Variants in BCL11B observed in about 807,000 individuals in gnomAD.
The protein encoded by BCL11B is B-cell lymphoma/leukemia 11B.
A neutral mutation model predicts 49.9 loss-of-function variants in BCL11B; 8 were observed. That is an observed-to-expected ratio of 0.16 (90% confidence interval 0.09 to 0.29). The LOEUF (loss-of-function observed/expected upper bound fraction) is 0.29, where lower values mean the gene tolerates loss of function less well. Ranked by LOEUF, BCL11B falls within the 10% of genes least tolerant of loss-of-function variation. The pLI is 1.00. For missense variants in BCL11B, 1,006 were observed against 1,351.0 expected (o/e 0.74, Z 4.00); for synonymous variants, 739 against 637.4 (o/e 1.16, Z -2.40).
At chr14:99,234,305 A>C (rs1190694735) in intron 2 of BCL11B, among the ~76,000 whole-genome samples, 1 of 152,188 alleles carries the variant, frequency 6.6e-6, no homozygotes, top group African/African-American at 2.4e-5. Context: ...TCAATTGTAC[A>C]TCATGTGACT....
rs1419380126 is a variant in BCL11B, at chr14:99,176,080, G to A, written c.756C>T (p.Pro252=). The change falls in exon 4 of 4, where the codon CCC becomes CCT. Residue 252 remains proline, a synonymous_variant. Coordinates refer to ENST00000357195, the MANE Select transcript of BCL11B (RefSeq NM_138576.4). ...NTHGFRIYLE[P]GPASSSLTPR... The stretch of plus-strand genomic sequence containing the variant: ...GCGTGAGCGAGCTGCTGGCCGGCCC[G>A]GGCTCCAGGTAGATGCGGAAGCCGT... 18 of 1,607,088 alleles carry A rather than the reference G, an allele frequency of 1.1e-5. No homozygotes were observed. Among genetic ancestry groups the A allele is most frequent in the Non-Finnish European group, 1.4e-5 (17 of 1,176,722 alleles).
intron 2 of BCL11B, among the ~76,000 whole-genome samples, chr14:99,253,236 C>G (rs559497240): frequency 3.9e-5 from 6 of 152,204 alleles, no homozygotes; most frequent in Non-Finnish European, 5.9e-5. Flanking sequence ...AACCCCCCGC[C>G]GGCTCCTCAG....
At chr14:99,180,099 C>A (rs1391485080) in intron 3 of BCL11B, among the ~76,000 whole-genome samples, 1 of 152,150 alleles carries the variant, frequency 6.6e-6, no homozygotes, top group Non-Finnish European at 1.5e-5. Context: ...CTGGCTGTCA[C>A]CCCCCTCCAG....
At chr14:99,198,995 C>T (rs1887262932) in intron 3 of BCL11B, among the ~76,000 whole-genome samples, 1 of 152,108 alleles carries the variant, frequency 6.6e-6, no homozygotes, top group African/African-American at 2.4e-5. Flanking sequence ...GCGAGGGACG[C>T]TTTGCGCGGG....
At chr14:99,226,005 C>T (rs923436410) in intron 3 of BCL11B, among the ~76,000 whole-genome samples, 1 of 152,216 alleles carries the variant, frequency 6.6e-6, no homozygotes, top group Non-Finnish European at 1.5e-5. Flanking sequence ...TGGACAGCCT[C>T]TGCAGCAGCG....
Position 99,248,995 on chromosome 14 carries a change from C to A in BCL11B, c.427+8476G>T, listed in dbSNP as rs547780103. Among the ~76,000 whole-genome samples, 20 of 152,304 alleles carry A rather than the reference C, an allele frequency of 1.3e-4. No homozygotes were observed. Among genetic ancestry groups the A allele is most frequent in the African/African-American group, 4.3e-4 (18 of 41,558 alleles). ...TCAACAGGGCCACTTGCCTGTAACT[C>A]ATGACGAGGTGGGGGCCAGCTCCTC... On this transcript the variant is annotated intron_variant, in intron 2 of 3. Coordinates refer to ENST00000357195, the MANE Select transcript of BCL11B (RefSeq NM_138576.4). The surrounding 1 kb of genome is among the most constrained non-coding windows in gnomAD (Gnocchi z 4.7).
chr14:99,220,609 C>G (rs1449307697), intron 3 of BCL11B, among the ~76,000 whole-genome samples: 1 of 152,108 alleles, frequency 6.6e-6, no homozygotes, highest in Non-Finnish European at 1.5e-5. Context: ...TTTAATGGTG[C>G]CAGAGCTCTG....
chr14:99,175,617 G>C lies in BCL11B; in HGVS notation c.1219C>G (p.Pro407Ala), dbSNP rs866872956. ...CCAGGGGGCATGGGCGGCAGCGGCG[G>C]CGTGCTCAGGAACGGGGACTTGGGG... ...PSPKSPFLSTPPLPPMPPGGT... is the reference protein window; with the variant it reads ...PSPKSPFLSTAPLPPMPPGGT... The change falls in exon 4 of 4, where the codon CCG becomes GCG. Residue 407 changes from proline (P) to alanine (A), a missense_variant. Physicochemically the swap from Pro to Ala is conservative, Grantham distance 27. Around this residue, in one of 6 missense-constraint regions of BCL11B, gnomAD observed 97 missense variants for 81.5 expected, o/e 1.19. Coordinates refer to ENST00000357195, the MANE Select transcript of BCL11B (RefSeq NM_138576.4). The C allele has an allele frequency of 1.9e-6, 3 of 1,562,776 alleles. No individual in the cohort carries two copies. The highest frequency in any genetic ancestry group is 1.2e-5 in the South Asian group (1 of 85,568).
intron 2 of BCL11B, among the ~76,000 whole-genome samples, chr14:99,251,727 G>A (rs1889012523): frequency 6.6e-6 from 1 of 152,190 alleles, no homozygotes; most frequent in African/African-American, 2.4e-5. Flanking sequence ...GGGGGTCTGA[G>A]GACTTCTGGC....
chr14:99,237,075 T>G (rs1249720439), intron 2 of BCL11B, among the ~76,000 whole-genome samples: 3 of 139,694 alleles, frequency 2.1e-5, no homozygotes, highest in Non-Finnish European at 3.1e-5. Context: ...CTGTGGGGGG[T>G]GTAGAGGGGG....
chr14:99,271,341 T>A lies in BCL11B; in HGVS notation c.-123A>T. On this transcript the variant is annotated 5_prime_UTR_variant, in exon 1 of 4. Coordinates refer to ENST00000357195, the MANE Select transcript of BCL11B (RefSeq NM_138576.4). ...CCGCCGCCGCCGCCGCCGCCGCACC[T>A]CCTCCTCTGCCCGGGTTGGTGTTTT... is the stretch of plus-strand genomic sequence containing the variant. 7.1e-6 allele frequency: 3 copies of A among 422,002 alleles called. No individual in the cohort carries two copies. The highest frequency in any genetic ancestry group is 1.1e-5 in the Non-Finnish European group (3 of 267,728). 26.1% of individuals were successfully genotyped at this position (422,002 alleles called of 1,614,324 possible). A position where few individuals can be genotyped will look rare whatever the true frequency, so the allele number is the denominator to read the frequency against.
intron 2 of BCL11B, among the ~76,000 whole-genome samples, chr14:99,254,931 A>G (rs1438240080): frequency 6.6e-6 from 1 of 152,240 alleles, no homozygotes; most frequent in Admixed American, 6.5e-5. Context: ...GTTAATCTAC[A>G]CAGAGAAATA....
intron 3 of BCL11B, among the ~76,000 whole-genome samples, chr14:99,220,489 A>G (rs142904582): frequency 1.1e-3 from 168 of 152,330 alleles, no homozygotes; most frequent in African/African-American, 3.9e-3. Flanking sequence ...CTAGGTACAA[A>G]AGGACAAGCA....
At chr14:99,208,197 G>C (rs1298144784) in intron 3 of BCL11B, among the ~76,000 whole-genome samples, 1 of 152,140 alleles carries the variant, frequency 6.6e-6, no homozygotes, top group Admixed American at 6.5e-5. Flanking sequence ...AGAGGCGAAG[G>C]ATCCTGTCCC....
rs372624036 is a variant in BCL11B at position 99,205,637 on chromosome 14, G to GC, written c.640+25707dup. On this transcript the variant is annotated intron_variant, in intron 3 of 3. Coordinates refer to ENST00000357195, the MANE Select transcript of BCL11B (RefSeq NM_138576.4). This position sits in a 1 kb window ranked among gnomAD's most constrained non-coding sequence, Gnocchi z 5.0. ...ATTTGACAGGACATTTGAAGCATCC[G>GC]CCCCCCTACCCCCCAGCTTTGTGGA... Among the ~76,000 whole-genome samples the GC allele has an allele frequency of 2.0e-5, 3 of 152,022 alleles. No individual in the cohort carries two copies. The highest frequency in any genetic ancestry group is 6.6e-5 in the Admixed American group (1 of 15,264).
intron 3 of BCL11B, among the ~76,000 whole-genome samples, chr14:99,222,878 C>G (rs1888052787): frequency 6.6e-6 from 1 of 151,694 alleles, no homozygotes; most frequent in Non-Finnish European, 1.5e-5. Flanking sequence ...TCCTTCCTTT[C>G]TTTCCTTTCT....
At chr14:99,263,825 C>G (rs926894857) in intron 1 of BCL11B, among the ~76,000 whole-genome samples, 4 of 152,262 alleles carry the variant, frequency 2.6e-5, no homozygotes, top group Admixed American at 2.0e-4. Context: ...GAGCCTGGGT[C>G]TCCCCAGCAC....
intron 3 of BCL11B, among the ~76,000 whole-genome samples, chr14:99,197,158 G>A (rs1315025983): frequency 6.6e-6 from 1 of 152,192 alleles, no homozygotes; most frequent in Admixed American, 6.5e-5. Flanking sequence ...ACCCTTATCA[G>A]GCTACACAAC....
At position 99,257,576 on chromosome 14, in the gene BCL11B, T is replaced by C. The variant is rs2139953551; in HGVS notation, c.322A>G (p.Lys108Glu). ...CCGATCTCCACCGGCTCGGACACTT[T>C]CCTGAGCTCGGAGCGTGAGGAGGGT... ...PPPSSRSELR[K>E]VSEPVEIGIQ... The change falls in exon 2 of 4, where the codon AAA becomes GAA. Residue 108 changes from lysine to glutamate, a missense_variant. Coordinates refer to ENST00000357195, the MANE Select transcript of BCL11B (RefSeq NM_138576.4). This position sits in a 1 kb window ranked among gnomAD's most constrained non-coding sequence, Gnocchi z 6.2. 6.2e-7 allele frequency: 1 copy of C among 1,614,152 alleles called. No homozygotes were observed. The highest frequency in any genetic ancestry group is 8.5e-7 in the Non-Finnish European group (1 of 1,180,014).
Sources: gnomAD v4.1 joint callset for allele counts (sites outside exome capture counted in the v4.1 genomes callset) on GRCh38, gnomAD v4.1.1 for gene constraint, gnomAD v4.1.1 regional missense constraint, Gnocchi (gnomAD v3.1) non-coding constraint, MANE v1.5 for transcripts, NCBI Gene and HGNC (gene_info 2026-07-23, HGNC 2026-07-21) for gene names.